NEDD4L: variants seen among roughly 807,000 people sequenced by gnomAD.
NEDD4L encodes E3 ubiquitin-protein ligase NEDD4-like.
NEDD4L carries 54 observed loss-of-function variants against 148.9 expected under a neutral mutation model. The observed-to-expected ratio is 0.36, with a 90% CI of 0.29 to 0.45. The LOEUF (loss-of-function observed/expected upper bound fraction) is 0.45. NEDD4L is among the 20% of genes least tolerant of loss of function. The pLI, the probability that NEDD4L is intolerant of heterozygous loss-of-function variation, is 1.00. For synonymous variants in NEDD4L, 433 were observed against 440.7 expected (o/e 0.98, Z 0.22); for missense variants, 856 against 1,233.8 (o/e 0.69, Z 4.59).
chr18:58,086,249 A>G (rs2083751735), intron 1 of NEDD4L, among the ~76,000 whole-genome samples: 1 of 152,204 alleles, frequency 6.6e-6, no homozygotes. Context: ...AATACTGTGT[A>G]AAATGTCCTA....
At chr18:58,139,244 T>A (rs1340721436) in intron 1 of NEDD4L, among the ~76,000 whole-genome samples, 1 of 152,100 alleles carries the variant, frequency 6.6e-6, no homozygotes, top group Non-Finnish European at 1.5e-5. Flanking sequence ...AGAGGATAAT[T>A]TGGCCACAAT....
intron 25 of NEDD4L, 125 bp downstream of exon 25, chr18:58,383,444 G>A: frequency 1.6e-6 from 1 of 620,612 alleles, no homozygotes; most frequent in Non-Finnish European, 2.9e-6. Flanking sequence ...TTTTCAACAA[G>A]GTAAGTTCTT....
chr18:58,117,536 C>CA (rs1288057869), intron 1 of NEDD4L, among the ~76,000 whole-genome samples: 1 of 152,212 alleles, frequency 6.6e-6, no homozygotes, highest in Non-Finnish European at 1.5e-5. Context: ...AAACCATCCT[C>CA]ATCGCTTCAC....
At chr18:58,361,433 A>C (rs866370563) in intron 19 of NEDD4L, among the ~76,000 whole-genome samples, 1 of 152,210 alleles carries the variant, frequency 6.6e-6, no homozygotes, top group Non-Finnish European at 1.5e-5. Context: ...GTTGTGTAAC[A>C]CTTTCATTTT....
At chr18:58,303,125 C>T (rs903218355) in intron 5 of NEDD4L, among the ~76,000 whole-genome samples, 4 of 152,206 alleles carry the variant, frequency 2.6e-5, no homozygotes, top group African/African-American at 7.2e-5. Context: ...GGTGCACAAC[C>T]ACTTCTTGCA....
chr18:58,308,369 T>C (rs189608426), intron 5 of NEDD4L, among the ~76,000 whole-genome samples: 19 of 152,338 alleles, frequency 1.2e-4, no homozygotes, highest in Admixed American at 7.8e-4. Flanking sequence ...AAAAATAGAA[T>C]AGCCTTCTAA....
intron 1 of NEDD4L, among the ~76,000 whole-genome samples, chr18:58,141,789 A>G (rs1164084757): frequency 6.6e-6 from 1 of 152,196 alleles, no homozygotes; most frequent in African/African-American, 2.4e-5. Flanking sequence ...CCTGTCTCCA[A>G]TTTCTACATT....
At position 58,200,321 on chromosome 18, in the gene NEDD4L, A is replaced by T. The variant is rs545780008; in HGVS notation, c.122+34460A>T. On this transcript the variant is annotated intron_variant, in intron 2 of 30. Transcript: ENST00000400345. ...AAAAAGTTACATTAACAGAAAATGTAGGTGCCAGTTGAAATACTGTCAACT... is the reference window on the plus strand; with the variant it reads ...AAAAAGTTACATTAACAGAAAATGTTGGTGCCAGTTGAAATACTGTCAACT... Among the ~76,000 whole-genome samples the T allele has an allele frequency of 3.9e-5, 6 of 152,386 alleles. No individual in the cohort carries two copies. In the East Asian group the frequency reaches 1.2e-3, roughly 29 times the overall value.
intron 1 of NEDD4L, among the ~76,000 whole-genome samples, chr18:58,059,777 G>A (rs797006320): frequency 7.9e-5 from 12 of 152,246 alleles, no homozygotes; most frequent in East Asian, 3.9e-4. Context: ...AATGTTCTTC[G>A]TATGCAAACT....
intron 1 of NEDD4L, among the ~76,000 whole-genome samples, chr18:58,093,350 A>G (rs1015575681): frequency 1.7e-4 from 26 of 152,212 alleles, no homozygotes; most frequent in African/African-American, 6.0e-4. Context: ...AGAACTGCGC[A>G]AGACAGTGTA....
intron 5 of NEDD4L, among the ~76,000 whole-genome samples, chr18:58,260,570 C>T (rs2049231293): frequency 1.3e-5 from 2 of 152,102 alleles, no homozygotes; most frequent in Admixed American, 1.3e-4. Flanking sequence ...TTCACTGTTT[C>T]AGATGAAAGG....
At chr18:58,386,378 C>T (rs1242369436) in intron 26 of NEDD4L, among the ~76,000 whole-genome samples, 1 of 152,094 alleles carries the variant, frequency 6.6e-6, no homozygotes, top group Admixed American at 6.5e-5. Context: ...ATCCCCTGCC[C>T]TTTTTCTTTG....
chr18:58,214,037 G>A (rs148950295), intron 2 of NEDD4L, among the ~76,000 whole-genome samples: 104 of 152,292 alleles, frequency 6.8e-4, no homozygotes, highest in African/African-American at 2.4e-3. Context: ...CTCCTGCATG[G>A]CCCTGCTTGC....
intron 1 of NEDD4L, among the ~76,000 whole-genome samples, chr18:58,151,572 A>G (rs748349327): frequency 9.3e-5 from 14 of 150,570 alleles, no homozygotes; most frequent in Non-Finnish European, 1.3e-4. Context: ...GGATACCACC[A>G]TAGCATGGTA....
At chr18:58,112,902 G>T (rs571716122) in intron 1 of NEDD4L, among the ~76,000 whole-genome samples, 1 of 152,214 alleles carries the variant, frequency 6.6e-6, no homozygotes, top group Non-Finnish European at 1.5e-5. Flanking sequence ...CCTTTGGGAC[G>T]TGATTAGGTC....
intron 5 of NEDD4L, among the ~76,000 whole-genome samples, chr18:58,270,047 A>G (rs750687135): frequency 5.9e-5 from 9 of 152,212 alleles, no homozygotes; most frequent in Non-Finnish European, 1.0e-4. Flanking sequence ...TGGAATTCCA[A>G]TTCTAGCCAT....
intron 1 of NEDD4L, among the ~76,000 whole-genome samples, chr18:58,086,254 G>C (rs959265531): frequency 1.3e-5 from 2 of 152,158 alleles, no homozygotes; most frequent in African/African-American, 4.8e-5. Context: ...TGTGTAAAAT[G>C]TCCTACCTGT....
intron 18 of NEDD4L, among the ~76,000 whole-genome samples, chr18:58,351,552 A>T (rs1015887814): frequency 3.9e-5 from 6 of 152,224 alleles, no homozygotes; most frequent in African/African-American, 1.4e-4. Flanking sequence ...TGGAAATTGT[A>T]GTATATTTGC....
intron 2 of NEDD4L, among the ~76,000 whole-genome samples, chr18:58,239,782 G>A (rs917010959): frequency 2.0e-5 from 3 of 152,176 alleles, no homozygotes; most frequent in African/African-American, 7.2e-5. Flanking sequence ...GGTGATGAAG[G>A]TGGAACAAGA....
Sources: allele counts gnomAD v4.1 joint callset (sites outside exome capture counted in the v4.1 genomes callset), GRCh38; gene constraint gnomAD v4.1.1; transcripts MANE v1.5; gene names NCBI Gene and HGNC (gene_info 2026-07-23, HGNC 2026-07-21).